Variants in RAB27A observed in about 807,000 individuals in gnomAD.
The protein encoded by RAB27A is RAB27A, member RAS oncogene family.
In RAB27A, 17 loss-of-function variants were observed where a neutral mutation model predicts 20.8. The ratio of observed to expected loss-of-function variants is 0.82; its 90% CI spans 0.56 to 1.23. The LOEUF is 1.23. RAB27A is among the 50% of genes most tolerant of loss of function. The pLI, the probability that RAB27A is intolerant of heterozygous loss-of-function variation, is 0.00. For missense variants in RAB27A, 277 were observed against 266.7 expected, an observed-to-expected ratio of 1.04 and a Z score of -0.27; for synonymous variants, 85 against 92.8, an observed-to-expected ratio of 0.92 and a Z score of 0.48.
At chr15:55,273,415 A>AT (rs1160740779) in intron 1 of RAB27A, among the ~76,000 whole-genome samples, 14 of 151,656 alleles carry the variant, frequency 9.2e-5, no homozygotes, top group African/African-American at 2.7e-4. Flanking sequence ...TCTCAAAAAA[A>AT]AAAAAATAAA....
At chr15:55,269,471 G>T (rs1000040114) in intron 2 of RAB27A, among the ~76,000 whole-genome samples, 3 of 152,156 alleles carry the variant, frequency 2.0e-5, no homozygotes, top group Non-Finnish European at 4.4e-5. Context: ...TTTAGGCCGG[G>T]CACGGTGGCT....
chr15:55,253,606 G>T (rs536788179), intron 2 of RAB27A, among the ~76,000 whole-genome samples: 1 of 152,236 alleles, frequency 6.6e-6, no homozygotes, highest in African/African-American at 2.4e-5. Context: ...CCCAGGATAA[G>T]GCCATCTATG....
At chr15:55,250,498 G>T (rs1402118542) in intron 2 of RAB27A, among the ~76,000 whole-genome samples, 1 of 152,168 alleles carries the variant, frequency 6.6e-6, no homozygotes, top group African/African-American at 2.4e-5. Context: ...TTTGTCTATT[G>T]TGAAATTATT....
At chr15:55,267,349 C>A (rs1171772900) in intron 2 of RAB27A, among the ~76,000 whole-genome samples, 2 of 152,212 alleles carry the variant, frequency 1.3e-5, no homozygotes, top group South Asian at 2.1e-4. Context: ...ATGATTTATA[C>A]CCGTGTTTGA....
In RAB27A at chr15:55,242,888, A is replaced by G. The variant is rs537371091; in HGVS notation, c.-22-7932T>C. On this transcript the variant is annotated intron_variant, in intron 2 of 6. Transcript: ENST00000336787. The stretch of plus-strand genomic sequence containing the variant: ...TAGACATGGGGCTAATCTAGATCTC[A>G]TGTCTCCTAAATTCTAGTCATGTAT... Among the ~76,000 whole-genome samples, 11 of 152,318 alleles carry G rather than the reference A, an allele frequency of 7.2e-5. No homozygotes were observed. In the South Asian group the frequency reaches 2.3e-3, roughly 32 times the overall value.
intron 6 of RAB27A, among the ~76,000 whole-genome samples, chr15:55,210,259 T>C (rs960096135): frequency 1.7e-5 from 2 of 116,164 alleles, no homozygotes; most frequent in Non-Finnish European, 3.5e-5. Context: ...AGTTGCTGGA[T>C]CATATGGTAG....
chr15:55,239,942 C>T (rs1896414590), intron 2 of RAB27A, among the ~76,000 whole-genome samples: 1 of 152,084 alleles, frequency 6.6e-6, no homozygotes, highest in Non-Finnish European at 1.5e-5. Context: ...TGGAATTACC[C>T]CATCTTTCAG....
intron 4 of RAB27A, 108 bp downstream of exon 4, chr15:55,230,293 T>TTA: frequency 7.4e-6 from 8 of 1,074,118 alleles, no homozygotes; most frequent in Non-Finnish European, 1.1e-5. Flanking sequence ...AGCATTCAAG[T>TTA]GCAAACCAAC....
chr15:55,259,271 G>T (rs1221878499), intron 2 of RAB27A, among the ~76,000 whole-genome samples: 2 of 150,286 alleles, frequency 1.3e-5, no homozygotes, highest in Non-Finnish European at 3.0e-5. Flanking sequence ...CTTTTTTATA[G>T]TTATTTATTT....
At chr15:55,209,228 A>G (rs1894801851) in intron 6 of RAB27A, among the ~76,000 whole-genome samples, 1 of 152,098 alleles carries the variant, frequency 6.6e-6, no homozygotes, top group Non-Finnish European at 1.5e-5. Flanking sequence ...TTCTAACACT[A>G]CATCTTATTT....
chr15:55,270,121 C>T (rs897780875), intron 2 of RAB27A, 44 bp downstream of exon 2: 1 of 150,672 alleles, frequency 6.6e-6, no homozygotes, highest in African/African-American at 2.4e-5. Flanking sequence ...TGACAGAGCT[C>T]AAAACCACTA....
chr15:55,263,397 G>A (rs978914533), intron 2 of RAB27A, among the ~76,000 whole-genome samples: 1 of 151,758 alleles, frequency 6.6e-6, no homozygotes, highest in Non-Finnish European at 1.5e-5. Context: ...AAAGTTACTT[G>A]AGATGCAGTC....
chr15:55,307,592 G>A (rs1458108130), intron 2 of RAB27A, among the ~76,000 whole-genome samples: 1 of 151,808 alleles, frequency 6.6e-6, no homozygotes, highest in Non-Finnish European at 1.5e-5. Flanking sequence ...CCGAATCTGG[G>A]AATTACTTCA....
chr15:55,249,309 C>G (rs1006551491), intron 2 of RAB27A, among the ~76,000 whole-genome samples: 2 of 152,222 alleles, frequency 1.3e-5, no homozygotes, highest in African/African-American at 4.8e-5. Context: ...GGGTCTCACT[C>G]TGTCACCCAG....
chr15:55,267,097 C>T (rs1217858581), intron 2 of RAB27A, among the ~76,000 whole-genome samples: 1 of 152,196 alleles, frequency 6.6e-6, no homozygotes, highest in African/African-American at 2.4e-5. Context: ...TCAGTTGCCA[C>T]ACCACAGAGG....
chr15:55,229,228 C>T (rs7177930), intron 4 of RAB27A, among the ~76,000 whole-genome samples: 21,739 of 151,998 alleles, frequency 0.14, 2,130 homozygotes, highest in African/African-American at 0.25. Context: ...CCCCCAACCC[C>T]ACCCTATCAC....
At chr15:55,282,331 TGA>T (rs1396786228) in intron 1 of RAB27A, among the ~76,000 whole-genome samples, 1 of 152,214 alleles carries the variant, frequency 6.6e-6, no homozygotes. Flanking sequence ...CTATGTGACC[TGA>T]GGCACAGCTC....
chr15:55,316,741 C>A (rs1026730849), intron 1 of RAB27A, among the ~76,000 whole-genome samples: 39 of 152,232 alleles, frequency 2.6e-4, no homozygotes, highest in African/African-American at 8.7e-4. Flanking sequence ...TGCAAATTTG[C>A]TTAGTGGATT....
intron 1 of RAB27A, among the ~76,000 whole-genome samples, chr15:55,276,534 C>A (rs1045172809): frequency 1.3e-5 from 2 of 152,090 alleles, no homozygotes; most frequent in Non-Finnish European, 2.9e-5. Flanking sequence ...CACGTCACTG[C>A]ACTCCAGCCC....
Sources: allele counts gnomAD v4.1 joint callset (sites outside exome capture counted in the v4.1 genomes callset), GRCh38; gene constraint gnomAD v4.1.1; transcripts MANE v1.5; gene names NCBI Gene and HGNC (gene_info 2026-07-23, HGNC 2026-07-21).